The following DOCK3 variants were observed in gnomAD, a reference collection of about 807,000 sequenced individuals.
DOCK3 encodes the protein dedicator of cytokinesis 3.
DOCK3 carries 60 observed loss-of-function variants against 265.6 expected under a neutral mutation model. The ratio of observed to expected loss-of-function variants is 0.23; its 90% CI spans 0.18 to 0.28. DOCK3 has a LOEUF of 0.28. Ranked by LOEUF, DOCK3 falls within the 10% of genes least tolerant of loss-of-function variation. The pLI, the probability that DOCK3 is intolerant of heterozygous loss-of-function variation, is 1.00. For missense variants in DOCK3, 1,981 were observed against 2,594.3 expected, an observed-to-expected ratio of 0.76 and a Z score of 5.14; for synonymous variants, 881 against 938.0, an observed-to-expected ratio of 0.94 and a Z score of 1.11.
chr3:51,179,681 C>A (rs2087166732), intron 12 of DOCK3, among the ~76,000 whole-genome samples: 1 of 151,632 alleles, frequency 6.6e-6, no homozygotes, highest in Non-Finnish European at 1.5e-5. Context: ...GCCAAGGGGG[C>A]AGGAGGATTA....
chr3:50,911,365 T>A (rs558650196), intron 4 of DOCK3, among the ~76,000 whole-genome samples: 6 of 152,234 alleles, frequency 3.9e-5, no homozygotes, highest in Middle Eastern at 3.4e-3. Flanking sequence ...AGTTTCATTG[T>A]TCTACACATG....
chr3:50,834,146 G>C (rs1369337685), intron 2 of DOCK3, among the ~76,000 whole-genome samples: 1 of 151,792 alleles, frequency 6.6e-6, no homozygotes. Context: ...CCTGCATTCT[G>C]ATGTCACAGT....
intron 30 of DOCK3, 40 bp downstream of exon 30, chr3:51,312,616 C>T (rs770404754): frequency 1.5e-5 from 23 of 1,509,570 alleles, no homozygotes; most frequent in Non-Finnish European, 2.0e-5. Context: ...TACCACTTGG[C>T]CAAATAGGGC....
At chr3:50,677,506 A>G (rs2034064860) in intron 1 of DOCK3, among the ~76,000 whole-genome samples, 1 of 152,218 alleles carries the variant, frequency 6.6e-6, no homozygotes, top group Non-Finnish European at 1.5e-5. Context: ...TTTTCCTGTG[A>G]GAAAATGTTT....
chr3:51,008,610 AC>A (rs1467568568), intron 5 of DOCK3, among the ~76,000 whole-genome samples: 1 of 152,004 alleles, frequency 6.6e-6, no homozygotes, highest in East Asian at 1.9e-4. Flanking sequence ...CTAATTCAAT[AC>A]CCTTTATTTC....
At chr3:51,140,192 A>G (rs1223547470) in intron 9 of DOCK3, among the ~76,000 whole-genome samples, 1 of 152,176 alleles carries the variant, frequency 6.6e-6, no homozygotes, top group Non-Finnish European at 1.5e-5. Flanking sequence ...CCATTTCCAC[A>G]GTCCATCTTA....
chr3:50,733,942 T>A (rs2038395042), intron 1 of DOCK3, among the ~76,000 whole-genome samples: 1 of 152,206 alleles, frequency 6.6e-6, no homozygotes, highest in African/African-American at 2.4e-5. Flanking sequence ...TTGTAACAGC[T>A]GTTTATAGGT....
At chr3:50,936,103 G>A (rs2051344550) in intron 5 of DOCK3, among the ~76,000 whole-genome samples, 1 of 151,892 alleles carries the variant, frequency 6.6e-6, no homozygotes, top group South Asian at 2.1e-4. Flanking sequence ...GAACAAAGTA[G>A]AAACTATAAA....
chr3:51,077,126 AG>A (rs2082082711), intron 7 of DOCK3, among the ~76,000 whole-genome samples: 2 of 152,182 alleles, frequency 1.3e-5, no homozygotes, highest in African/African-American at 4.8e-5. Flanking sequence ...AAAAATGGCT[AG>A]ACAGCAATGG....
chr3:50,947,197 A>C (rs1260565948), intron 5 of DOCK3, among the ~76,000 whole-genome samples: 1 of 152,108 alleles, frequency 6.6e-6, no homozygotes, highest in Non-Finnish European at 1.5e-5. Flanking sequence ...ATATAAATAT[A>C]TGTTTTAAAA....
At chr3:50,763,534 C>T (rs367577073) in intron 1 of DOCK3, among the ~76,000 whole-genome samples, 4 of 152,150 alleles carry the variant, frequency 2.6e-5, no homozygotes, top group South Asian at 2.1e-4. Flanking sequence ...CCACCTGCTG[C>T]GGCCCCCCAA....
At chr3:50,686,651 A>G (rs1209094734) in intron 1 of DOCK3, among the ~76,000 whole-genome samples, 1 of 152,160 alleles carries the variant, frequency 6.6e-6, no homozygotes, top group African/African-American at 2.4e-5. Context: ...GCTCACACCT[A>G]TAATCTCAGC....
At chr3:51,057,533 G>A (rs186052764) in intron 5 of DOCK3, among the ~76,000 whole-genome samples, 2 of 152,326 alleles carry the variant, frequency 1.3e-5, no homozygotes, top group Admixed American at 1.3e-4. Context: ...AATCCACTGA[G>A]GAGCAGGTCT....
intron 26 of DOCK3, among the ~76,000 whole-genome samples, chr3:51,279,820 A>G (rs2081014926): frequency 1.3e-5 from 2 of 152,110 alleles, no homozygotes; most frequent in African/African-American, 4.8e-5. Context: ...TTTAGCCAAA[A>G]CTTTCCTAGG....
At chr3:51,177,544 TC>T (rs1307678659) in intron 12 of DOCK3, among the ~76,000 whole-genome samples, 1 of 152,136 alleles carries the variant, frequency 6.6e-6, no homozygotes, top group Non-Finnish European at 1.5e-5. Context: ...GTATAATTAT[TC>T]CCCACAAAGG....
At chr3:50,930,914 C>T (rs1218584300) in intron 4 of DOCK3, among the ~76,000 whole-genome samples, 2 of 152,300 alleles carry the variant, frequency 1.3e-5, no homozygotes, top group African/African-American at 4.8e-5. Context: ...AGCACTGCCT[C>T]CTCCCTTCAC....
chr3:50,791,526 G>A (rs1010367875), intron 2 of DOCK3, among the ~76,000 whole-genome samples: 4 of 151,906 alleles, frequency 2.6e-5, no homozygotes, highest in African/African-American at 9.7e-5. Context: ...CACCCGCCTC[G>A]GCCTCCCAAA....
intron 12 of DOCK3, among the ~76,000 whole-genome samples, chr3:51,207,985 T>C (rs1333863486): frequency 6.6e-6 from 1 of 152,222 alleles, no homozygotes; most frequent in Non-Finnish European, 1.5e-5. Context: ...CTAGTCTCTG[T>C]TCCTAAACTT....
chr3:51,131,074 C>T (rs969232648), intron 9 of DOCK3, among the ~76,000 whole-genome samples: 2 of 152,110 alleles, frequency 1.3e-5, no homozygotes, highest in Admixed American at 6.5e-5. Flanking sequence ...TCTGGCCTTT[C>T]CCACCGTAAT....
Sources: allele counts gnomAD v4.1 joint callset (sites outside exome capture counted in the v4.1 genomes callset), GRCh38; gene constraint gnomAD v4.1.1; transcripts MANE v1.5; gene names NCBI Gene and HGNC (gene_info 2026-07-23, HGNC 2026-07-21).